FHAD1: variants seen among roughly 807,000 people sequenced by gnomAD.
The protein encoded by FHAD1 is forkhead associated phosphopeptide binding domain 1.
In FHAD1, 146 loss-of-function variants were observed where a neutral mutation model predicts 191.3. That is an observed-to-expected ratio of 0.76 (90% CI 0.67 to 0.88). FHAD1 has a LOEUF of 0.88. FHAD1 is among the 40% of genes least tolerant of loss of function. The probability of loss-of-function intolerance (pLI) is 0.00; values close to 1 mark genes in which losing one functional copy is unlikely to be tolerated. For missense variants in FHAD1, 1,635 were observed against 1,785.8 expected, an observed-to-expected ratio of 0.92 and a Z score of 1.52; for synonymous variants, 616 against 672.3, an observed-to-expected ratio of 0.92 and a Z score of 1.29.
Position 15,329,794 on chromosome 1 carries a change from A to AT in FHAD1, c.1906+254dup, listed in dbSNP as rs1424691235. 1 of 497,122 alleles carries AT rather than the reference A, an allele frequency of 2.0e-6. No homozygotes were observed. The highest frequency in any genetic ancestry group is 3.6e-6 in the Non-Finnish European group (1 of 275,786). The allele number at this position is 497,122 out of a possible 1,614,324, so 30.8% of individuals were successfully genotyped here. ...GCAAAAGGAAAATTAAATCGAAATT[A>AT]TGCAAAGTCTAATTACGCTGTTTAA... On this transcript the variant is annotated intron_variant, in intron 14 of 33. Coordinates refer to ENST00000688493, the MANE Select transcript of FHAD1 (RefSeq NM_001391957.1). The surrounding 1 kb of genome is among the most constrained non-coding windows in gnomAD (Gnocchi z 5.0).
exon 1 of FHAD1, among the ~76,000 whole-genome samples, chr1:15,236,605 G>A (rs1644816088): frequency 6.6e-6 from 1 of 151,460 alleles, no homozygotes; most frequent in Non-Finnish European, 1.5e-5. Context: ...TCAAAGCTGA[G>A]AAGATGTAAG....
rs1221461519 is a variant in FHAD1 at position 15,341,766 on chromosome 1, C to T, written c.2008C>T (p.Gln670Ter). ...IKFNSSQETQ[Q>*]SLLQEKLREH... ...GTTCAACAGTTCTCAGGAAACTCAGCAGTCTTTACTGCAGGAAAAGCTGCG... is the reference window on the plus strand; with the variant it reads ...GTTCAACAGTTCTCAGGAAACTCAGTAGTCTTTACTGCAGGAAAAGCTGCG... Residue 670 changes from glutamine to a stop codon, truncating the protein, a stop_gained, in exon 16 of 34, where the codon CAG becomes TAG. Coordinates refer to ENST00000688493, the MANE Select transcript of FHAD1 (RefSeq NM_001391957.1). LOFTEE classifies it high-confidence loss of function. 6.4e-7 allele frequency: 1 copy of T among 1,551,270 alleles called. No homozygotes were observed. The highest frequency in any genetic ancestry group is 8.7e-7 in the Non-Finnish European group (1 of 1,146,688).
chr1:15,290,809 C>T (rs1425058829), intron 4 of FHAD1, among the ~76,000 whole-genome samples: 2 of 151,844 alleles, frequency 1.3e-5, no homozygotes, highest in Non-Finnish European at 2.9e-5. Flanking sequence ...TCTGGGTTCA[C>T]GCCATTCTCC....
At chr1:15,240,738 C>A (rs190851871) in intron 1 of FHAD1, among the ~76,000 whole-genome samples, 199 of 151,428 alleles carry the variant, frequency 1.3e-3, no homozygotes, top group African/African-American at 4.4e-3. Flanking sequence ...GAGGGTGGAT[C>A]ACAAGGTCAG....
downstream of FHAD1, among the ~76,000 whole-genome samples, chr1:15,399,642 C>CA (rs1706967620): frequency 1.3e-5 from 2 of 152,048 alleles, 1 homozygote. Context: ...CAGAAATGTT[C>CA]AAAAACCTAA....
At chr1:15,386,286 C>G (rs1187179334) in intron 31 of FHAD1, among the ~76,000 whole-genome samples, 1 of 152,242 alleles carries the variant, frequency 6.6e-6, no homozygotes, top group Non-Finnish European at 1.5e-5. Context: ...GTGCCTGCAT[C>G]GCTTTCAATG....
chr1:15,330,524 G>T (rs1381656873), intron 14 of FHAD1, among the ~76,000 whole-genome samples: 1 of 152,180 alleles, frequency 6.6e-6, no homozygotes, highest in Non-Finnish European at 1.5e-5. Context: ...TATGGTCTCA[G>T]GGGGAAGGAT....
chr1:15,352,853 C>A, intron 19 of FHAD1, 24 bp from the exon 20 acceptor site: 1 of 1,538,612 alleles, frequency 6.5e-7, no homozygotes, highest in South Asian at 1.2e-5. Flanking sequence ...CACAGGCCCT[C>A]AAACCACTTT....
At chr1:15,382,849 T>C (rs1023223651) in intron 31 of FHAD1, among the ~76,000 whole-genome samples, 2 of 152,110 alleles carry the variant, frequency 1.3e-5, no homozygotes, top group African/African-American at 4.8e-5. Flanking sequence ...ACCAAAGGGA[T>C]GAGAGGGTGG....
At chr1:15,290,413 A>G (rs188835239) in intron 4 of FHAD1, among the ~76,000 whole-genome samples, 28 of 151,860 alleles carry the variant, frequency 1.8e-4, no homozygotes, top group African/African-American at 6.5e-4. Context: ...TCAAGGTCCC[A>G]TTTTCTGTCC....
chr1:15,306,240 T>G (rs1574172098), intron 6 of FHAD1, among the ~76,000 whole-genome samples: 1 of 152,180 alleles, frequency 6.6e-6, no homozygotes, highest in Admixed American at 6.5e-5. Flanking sequence ...TTGAGAGAGA[T>G]AATTTAGTGT....
At chr1:15,382,449 T>G (rs1408808949) in intron 31 of FHAD1, among the ~76,000 whole-genome samples, 2 of 152,174 alleles carry the variant, frequency 1.3e-5, no homozygotes, top group East Asian at 1.9e-4. Context: ...TAATGGTGGT[T>G]GTTATTCATA....
At chr1:15,257,901 G>A (rs1207836265) in intron 2 of FHAD1, among the ~76,000 whole-genome samples, 1 of 152,188 alleles carries the variant, frequency 6.6e-6, no homozygotes, top group Non-Finnish European at 1.5e-5. Flanking sequence ...GAGTGCGGTG[G>A]CACAATCTTG....
chr1:15,393,484 G>C (rs1015396395), intron 33 of FHAD1, among the ~76,000 whole-genome samples: 5 of 151,718 alleles, frequency 3.3e-5, no homozygotes, highest in African/African-American at 1.2e-4. Context: ...GAGGGGCTGG[G>C]GAAAAAACCT....
intron 9 of FHAD1, 136 bp from the exon 10 acceptor site, chr1:15,317,688 T>A (rs1354242656): frequency 2.6e-5 from 16 of 607,792 alleles, no homozygotes; most frequent in Middle Eastern, 2.9e-4. Context: ...GAGAAGGAAT[T>A]AAATAAGCTG....
chr1:15,344,798 A>G (rs535136841), intron 16 of FHAD1, among the ~76,000 whole-genome samples: 61 of 152,240 alleles, frequency 4.0e-4, no homozygotes, highest in Non-Finnish European at 7.5e-4. Context: ...CCTCACATCA[A>G]CCCAACACAG....
intron 7 of FHAD1, among the ~76,000 whole-genome samples, chr1:15,310,460 A>G (rs372838653): frequency 1.2e-4 from 19 of 152,066 alleles, no homozygotes; most frequent in Non-Finnish European, 1.2e-4. Context: ...GCGTCTGTCC[A>G]TCACACCCCA....
At chr1:15,372,460 A>G (rs1698383135) in intron 26 of FHAD1, among the ~76,000 whole-genome samples, 1 of 152,150 alleles carries the variant, frequency 6.6e-6, no homozygotes, top group Non-Finnish European at 1.5e-5. Context: ...ATTCTCCAGA[A>G]TCAGAGTATT....
upstream of FHAD1, among the ~76,000 whole-genome samples, chr1:15,244,051 A>ATT (rs60249162): frequency 1.3e-4 from 20 of 149,072 alleles, no homozygotes; most frequent in African/African-American, 4.2e-4. The surrounding 1 kb of genome is among the most constrained non-coding windows in gnomAD (Gnocchi z 5.1). Flanking sequence ...AGAAACATCT[A>ATT]TTTTTTTTTT....
Sources: gnomAD v4.1 joint callset for allele counts (sites outside exome capture counted in the v4.1 genomes callset) on GRCh38, gnomAD v4.1.1 for gene constraint, Gnocchi (gnomAD v3.1) non-coding constraint, MANE v1.5 for transcripts, NCBI Gene and HGNC (gene_info 2026-07-23, HGNC 2026-07-21) for gene names.